ARHGAP5: variants seen among roughly 807,000 people sequenced by gnomAD.
ARHGAP5 encodes the protein Rho GTPase activating protein 5, also known as rho GTPase-activating protein 5.
In ARHGAP5, 23 loss-of-function variants were observed where a neutral mutation model predicts 116.6. The observed-to-expected ratio is 0.20, with a 90% CI of 0.14 to 0.28. The LOEUF (loss-of-function observed/expected upper bound fraction) is 0.28. ARHGAP5 is among the 10% of genes least tolerant of loss of function. The probability of loss-of-function intolerance (pLI) is 1.00; values close to 1 mark genes in which losing one functional copy is unlikely to be tolerated. For missense variants in ARHGAP5, 1,405 were observed against 1,774.8 expected (o/e 0.79, Z 3.74); for synonymous variants, 574 against 602.0 (o/e 0.95, Z 0.68).
intron 2 of ARHGAP5, among the ~76,000 whole-genome samples, chr14:32,100,616 A>G (rs912790964): frequency 6.6e-6 from 1 of 152,244 alleles, no homozygotes; most frequent in Non-Finnish European, 1.5e-5. Context: ...CATAGATTAT[A>G]TGCAAATACT....
intron 2 of ARHGAP5, among the ~76,000 whole-genome samples, chr14:32,108,656 G>C (rs1300161232): frequency 6.6e-6 from 1 of 152,072 alleles, no homozygotes; most frequent in Admixed American, 6.5e-5. Context: ...AATATGCTGG[G>C]ATATGTGGAG....
At chr14:32,142,500 A>G (rs754951984) in intron 3 of ARHGAP5, among the ~76,000 whole-genome samples, 6 of 152,190 alleles carry the variant, frequency 3.9e-5, no homozygotes, top group South Asian at 4.1e-4. Flanking sequence ...AGTCTGTTCT[A>G]TTCACTTTGC....
chr14:32,088,539 A>G (rs1173630952), intron 1 of ARHGAP5, among the ~76,000 whole-genome samples: 1 of 152,014 alleles, frequency 6.6e-6, no homozygotes, highest in Non-Finnish European at 1.5e-5. Context: ...ATATCCATAA[A>G]TAAAGTGTTC....
intron 1 of ARHGAP5, among the ~76,000 whole-genome samples, chr14:32,082,004 C>G (rs1470494780): frequency 1.3e-5 from 2 of 152,114 alleles, no homozygotes; most frequent in African/African-American, 2.4e-5. Context: ...GATCATCAGG[C>G]ATTAATTAGT....
At chr14:32,112,849 C>T (rs1231522648) in intron 2 of ARHGAP5, among the ~76,000 whole-genome samples, 3 of 150,378 alleles carry the variant, frequency 2.0e-5, no homozygotes, top group Non-Finnish European at 4.4e-5. Context: ...CCAGCCTGGG[C>T]AATAGAACAA....
Position 32,156,243 on chromosome 14 carries a change from A to G in ARHGAP5, c.*1295A>G, listed in dbSNP as rs958762974. 2.6e-5 allele frequency: 4 copies of G among 152,492 alleles called. No homozygotes were observed. The highest frequency in any genetic ancestry group is 9.6e-5 in the African/African-American group (4 of 41,470). 9.4% of individuals were successfully genotyped at this position (152,492 alleles called of 1,614,324 possible). The stretch of plus-strand genomic sequence containing the variant: ...ATAAAATTTTCAGAATAGGTGGCAC[A>G]GGTAAATTTCACTAGGTTATATTTT... On this transcript the variant is annotated 3_prime_UTR_variant, in exon 7 of 7. Transcript: ENST00000345122.
intron 2 of ARHGAP5, among the ~76,000 whole-genome samples, chr14:32,113,372 C>T (rs1243925642): frequency 2.0e-5 from 3 of 152,098 alleles, no homozygotes; most frequent in Admixed American, 6.5e-5. Flanking sequence ...AATTAGAAGT[C>T]ACATAGGCTC....
intron 3 of ARHGAP5, among the ~76,000 whole-genome samples, chr14:32,140,066 C>CT (rs764763402): frequency 0.051 from 1,414 of 27,910 alleles, 98 homozygotes; most frequent in East Asian, 0.29. Flanking sequence ...TTTTCTCTCT[C>CT]TTTTTTTTTT....
At chr14:32,131,553 TTTTG>T (rs147993588) in intron 3 of ARHGAP5, among the ~76,000 whole-genome samples, 3,635 of 152,154 alleles carry the variant, frequency 0.024, 96 homozygotes, top group African/African-American at 0.068. Flanking sequence ...TTCATGTTCT[TTTTG>T]TTTGTTTGTT....
rs1485510149 is a variant in ARHGAP5 at position 32,134,789 on chromosome 14, C to T, written c.3866-11474C>T. 2.0e-5 allele frequency among the ~76,000 whole-genome samples: 3 copies of T among 152,174 alleles called. No individual in the cohort carries two copies. In the East Asian group the frequency reaches 5.8e-4, roughly 29 times the overall value. ...TGTCTTTTGCTTATCCTAAGTGTAT[C>T]TTTAAGTAGTTTGAGTAATTTATAG... On this transcript the variant is annotated intron_variant, in intron 3 of 6. Transcript: ENST00000345122.
At chr14:32,106,345 T>C (rs946670664) in intron 2 of ARHGAP5, among the ~76,000 whole-genome samples, 1 of 152,080 alleles carries the variant, frequency 6.6e-6, no homozygotes, top group Non-Finnish European at 1.5e-5. Flanking sequence ...GGTCTTGAAC[T>C]CCTGACCTCG....
chr14:32,123,365 T>G (rs1024846329), intron 3 of ARHGAP5, among the ~76,000 whole-genome samples: 3 of 152,048 alleles, frequency 2.0e-5, no homozygotes, highest in African/African-American at 7.2e-5. Flanking sequence ...TAAAACTTTT[T>G]TTTTCTGTAT....
At chr14:32,108,263 A>G (rs889537013) in intron 2 of ARHGAP5, among the ~76,000 whole-genome samples, 1 of 152,120 alleles carries the variant, frequency 6.6e-6, no homozygotes, top group Non-Finnish European at 1.5e-5. Flanking sequence ...GGCAGTAACT[A>G]GAAGGCAATG....
Position 32,092,873 on chromosome 14 carries a change from G to C in ARHGAP5, c.2204G>C (p.Gly735Ala). Residue 735 changes from glycine to alanine, a missense_variant, in exon 2 of 7, where the codon GGT (glycine) becomes GCT (alanine). Gly to Ala is a moderately conservative substitution (Grantham distance 60). This residue lies in a region of ARHGAP5 where 944 missense variants were observed against 1,095.3 expected (regional missense o/e 0.86). Transcript: ENST00000345122. The surrounding 1 kb of genome is among the most constrained non-coding windows in gnomAD (Gnocchi z 4.1). ...TGTCCTTTTGTAGATGTACCTGCTG[G>C]TACATATCCTCGTAAATTTAATGAA... is the stretch of plus-strand genomic sequence containing the variant. Reference protein sequence around the residue: ...LQCPFVDVPAGTYPRKFNETQ... With the variant: ...LQCPFVDVPAATYPRKFNETQ... 6.2e-7 allele frequency: 1 copy of C among 1,613,964 alleles called. No homozygotes were observed. The highest frequency in any genetic ancestry group is 1.6e-4 in the Middle Eastern group (1 of 6,062).
At chr14:32,088,195 T>C (rs999001725) in intron 1 of ARHGAP5, among the ~76,000 whole-genome samples, 2 of 152,002 alleles carry the variant, frequency 1.3e-5, no homozygotes, top group African/African-American at 2.4e-5. Flanking sequence ...TACTTTTATA[T>C]GTCTTTGAAT....
At chr14:32,143,376 G>A (rs1275216324) in intron 3 of ARHGAP5, among the ~76,000 whole-genome samples, 1 of 152,068 alleles carries the variant, frequency 6.6e-6, no homozygotes, top group Admixed American at 6.6e-5. Context: ...CAAAGTAGCT[G>A]GGACTACAGG....
rs779669997 is a variant in ARHGAP5 at position 32,117,284 on chromosome 14, A to G, written c.3862A>G (p.Thr1288Ala). 4 of 1,599,862 alleles carry G rather than the reference A, an allele frequency of 2.5e-6. No individual in the cohort carries two copies. The East Asian group carries it at 9.0e-5, about 36-fold the overall frequency. ...GAAATGTGTGGAATTTATTGAAGATACAGGTAGGATAGAAGAATCATTGCA... is the reference window on the plus strand; with the variant it reads ...GAAATGTGTGGAATTTATTGAAGATGCAGGTAGGATAGAAGAATCATTGCA... The part of the protein sequence containing the change: ...VEKCVEFIED[T>A]GLCTEGLYRV... Residue 1288 changes from threonine (T) to alanine (A), a missense_variant, in exon 3 of 7, where the codon ACA becomes GCA. Physicochemically the swap from Thr to Ala is moderately conservative, Grantham distance 58. Around this residue, in one of 6 missense-constraint regions of ARHGAP5, gnomAD observed 176 missense variants for 221.2 expected, o/e 0.80. Coordinates refer to ENST00000345122, the MANE Select transcript of ARHGAP5 (RefSeq NM_001030055.2).
chr14:32,107,894 G>A (rs559286260), intron 2 of ARHGAP5, among the ~76,000 whole-genome samples: 3 of 152,310 alleles, frequency 2.0e-5, no homozygotes, highest in East Asian at 3.9e-4. Context: ...TAAGGGCAGA[G>A]TACAGCTAGA....
chr14:32,082,727 A>G (rs997228933), intron 1 of ARHGAP5, among the ~76,000 whole-genome samples: 1 of 152,120 alleles, frequency 6.6e-6, no homozygotes, highest in Admixed American at 6.6e-5. Flanking sequence ...TTTAGTAGAG[A>G]TGGGGTTTCA....
Sources: gnomAD v4.1 joint callset for allele counts (sites outside exome capture counted in the v4.1 genomes callset) on GRCh38, gnomAD v4.1.1 for gene constraint, gnomAD v4.1.1 regional missense constraint, Gnocchi (gnomAD v3.1) non-coding constraint, MANE v1.5 for transcripts, NCBI Gene and HGNC (gene_info 2026-07-23, HGNC 2026-07-21) for gene names.